The following HMBOX1 variants were observed in gnomAD, a reference collection of about 807,000 sequenced individuals.
HMBOX1 encodes homeobox containing 1.
In HMBOX1, 14 loss-of-function variants were observed where a neutral mutation model predicts 54.5. The observed-to-expected ratio is 0.26, with a 90% CI of 0.17 to 0.40. The LOEUF is 0.40. Among genes scored for constraint, HMBOX1 ranks in the 10% least tolerant of loss-of-function variants. HMBOX1 has a pLI of 1.00. For missense variants in HMBOX1, 332 were observed against 514.4 expected (o/e 0.65, Z 3.43); for synonymous variants, 160 against 181.0 (o/e 0.88, Z 0.93).
In HMBOX1 at chr8:28,958,167, A is replaced by G. The variant is rs571205057; in HGVS notation, c.-57-5644A>G. Among the ~76,000 whole-genome samples, 14 of 152,214 alleles carry G rather than the reference A, an allele frequency of 9.2e-5. No homozygotes were observed. In the South Asian group the frequency reaches 1.0e-3, roughly 11 times the overall value. On this transcript the variant is annotated intron_variant, in intron 1 of 9. Coordinates refer to ENST00000287701, the MANE Select transcript of HMBOX1 (RefSeq NM_001135726.3). ...TTTTGAAAGATACCGAGGTTTTGCT[A>G]TATTGCCCAGGATAGTCTTGAACTC...
intron 1 of HMBOX1, among the ~76,000 whole-genome samples, chr8:28,913,677 G>GCA (rs1372865477): frequency 6.6e-6 from 1 of 152,090 alleles, no homozygotes; most frequent in East Asian, 1.9e-4. Flanking sequence ...ATAGCACCCA[G>GCA]CACAGTTCTT....
At position 29,029,961 on chromosome 8, in the gene HMBOX1, TC is replaced by T. The variant is rs1217447246; in HGVS notation, c.851+11050del. On this transcript the variant is annotated intron_variant, in intron 6 of 9. Transcript: ENST00000287701. The stretch of plus-strand genomic sequence containing the variant: ...TTATTATCTTTTTTTTTGCTTTTGT[TC>T]CTAAACTCCTTTCTGTATCTTCCTC... Among the ~76,000 whole-genome samples the T allele has an allele frequency of 2.0e-5, 3 of 152,092 alleles. No individual in the cohort carries two copies. In the East Asian group the frequency reaches 5.8e-4, roughly 29 times the overall value.
intron 4 of HMBOX1, among the ~76,000 whole-genome samples, chr8:28,992,600 G>T (rs1258781812): frequency 6.6e-6 from 1 of 152,088 alleles, no homozygotes; most frequent in Admixed American, 6.6e-5. Context: ...GCTGGGCGCG[G>T]TGGCTCATGC....
chr8:28,975,038 A>T (rs896865804), intron 3 of HMBOX1, among the ~76,000 whole-genome samples: 8 of 152,188 alleles, frequency 5.3e-5, no homozygotes, highest in African/African-American at 1.4e-4. Context: ...TGATTTGGTA[A>T]GCTTAAATCT....
Position 28,933,812 on chromosome 8 carries a change from T to C in HMBOX1, c.-57-29999T>C, listed in dbSNP as rs551523574. Among the ~76,000 whole-genome samples the C allele has an allele frequency of 2.0e-5, 3 of 152,328 alleles. No homozygotes were observed. In the East Asian group the frequency reaches 5.8e-4, roughly 29 times the overall value. ...GACTTTAATATGTTTTTTAAAGAAA[T>C]TGGATTTATAGCTAAAAACCTTTCG... On this transcript the variant is annotated intron_variant, in intron 1 of 9. Transcript: ENST00000287701.
intron 3 of HMBOX1, among the ~76,000 whole-genome samples, chr8:28,978,204 CAG>C (rs911001540): frequency 4.0e-4 from 61 of 152,288 alleles, no homozygotes; most frequent in African/African-American, 1.4e-3. Context: ...GGTCTTACAA[CAG>C]AGTCCTTTCA....
chr8:28,936,884 T>A (rs1021601518), intron 1 of HMBOX1, among the ~76,000 whole-genome samples: 3 of 149,614 alleles, frequency 2.0e-5, no homozygotes, highest in Non-Finnish European at 3.0e-5. Context: ...AAAAAAAAAA[T>A]GTTCATTCTA....
rs544941450 is a variant in HMBOX1 at position 29,018,854 on chromosome 8, C to T, written c.792C>T (p.Phe264=). Reference sequence around the variant, plus strand: ...CAGTCTCTGCCACATCTGGTACTTTCCGACTGCGACGAGGGAGTCGATTTA... The same window carrying T: ...CAGTCTCTGCCACATCTGGTACTTTTCGACTGCGACGAGGGAGTCGATTTA... ...PPPVSATSGT[F]RLRRGSRFTW... Residue 264 remains phenylalanine, a synonymous_variant, in exon 6 of 10, where the codon TTC becomes TTT. Coordinates refer to ENST00000287701, the MANE Select transcript of HMBOX1 (RefSeq NM_001135726.3). 6 of 1,614,174 alleles carry T rather than the reference C, an allele frequency of 3.7e-6. No individual in the cohort carries two copies. The highest frequency in any genetic ancestry group is 5.1e-6 in the Non-Finnish European group (6 of 1,180,012).
At chr8:29,049,188 T>C in intron 9 of HMBOX1, 140 bp downstream of exon 9, 1 of 1,500,710 alleles carries the variant, frequency 6.7e-7, no homozygotes, top group Non-Finnish European at 9.0e-7. Flanking sequence ...TGTGTCTAGT[T>C]AGATTTCATG....
At chr8:29,031,970 G>A (rs534436462) in intron 6 of HMBOX1, among the ~76,000 whole-genome samples, 2 of 152,330 alleles carry the variant, frequency 1.3e-5, no homozygotes, top group African/African-American at 2.4e-5. Flanking sequence ...ATGGCCAGTA[G>A]TGGGAGCACC....
chr8:29,002,033 C>T (rs1334190483), intron 4 of HMBOX1, among the ~76,000 whole-genome samples: 1 of 152,162 alleles, frequency 6.6e-6, no homozygotes, highest in African/African-American at 2.4e-5. Flanking sequence ...CATCTTGTAA[C>T]ATAAGCCTTT....
chr8:28,918,434 ACCTTGTGATCCGCCTGCCTTGG>A (rs570280602), intron 1 of HMBOX1, among the ~76,000 whole-genome samples: 102 of 151,226 alleles, frequency 6.7e-4, no homozygotes, highest in African/African-American at 2.3e-3. Context: ...CAATCTCCTG[ACCTTGTGATCCGCCTGCCTTGG>A]CCTCCCAAAG....
At chr8:29,020,481 G>A (rs771104456) in intron 6 of HMBOX1, among the ~76,000 whole-genome samples, 3 of 151,996 alleles carry the variant, frequency 2.0e-5, no homozygotes, top group Admixed American at 6.6e-5. Context: ...AGAATCACAC[G>A]GAATTTTAAT....
At chr8:28,904,682 CT>C (rs933350008) in intron 1 of HMBOX1, among the ~76,000 whole-genome samples, 107 of 141,510 alleles carry the variant, frequency 7.6e-4, no homozygotes, top group Non-Finnish European at 8.3e-4. Context: ...TCTTCACACT[CT>C]TTTTTTTTTT....
At chr8:28,907,466 T>G (rs1160048391) in intron 1 of HMBOX1, among the ~76,000 whole-genome samples, 1 of 152,258 alleles carries the variant, frequency 6.6e-6, no homozygotes, top group Non-Finnish European at 1.5e-5. Flanking sequence ...AATTACTTCC[T>G]TTTTATAGAT....
intron 1 of HMBOX1, among the ~76,000 whole-genome samples, chr8:28,935,330 G>C (rs1275444353): frequency 6.6e-6 from 1 of 152,082 alleles, no homozygotes; most frequent in Non-Finnish European, 1.5e-5. Flanking sequence ...AAAAGTAGAG[G>C]AATTACACAA....
At chr8:29,033,810 TG>T (rs1215259092) in intron 6 of HMBOX1, among the ~76,000 whole-genome samples, 1 of 152,174 alleles carries the variant, frequency 6.6e-6, no homozygotes, top group Non-Finnish European at 1.5e-5. Flanking sequence ...TAAATACTGG[TG>T]TTGTATATAA....
chr8:29,041,940 T>A (rs535463143), intron 6 of HMBOX1, among the ~76,000 whole-genome samples: 2 of 152,266 alleles, frequency 1.3e-5, no homozygotes, highest in East Asian at 3.9e-4. Context: ...CATCACAGGC[T>A]TTGCAGTCAC....
chr8:29,016,408 A>G lies in HMBOX1; in HGVS notation c.698-2352A>G, dbSNP rs553234439. Among the ~76,000 whole-genome samples, 5 of 152,350 alleles carry G rather than the reference A, an allele frequency of 3.3e-5. No homozygotes were observed. The South Asian group carries it at 1.0e-3, about 32-fold the overall frequency. On this transcript the variant is annotated intron_variant, in intron 5 of 9. Transcript: ENST00000287701. ...AAATTTTTTGCTGCCAAATTTATAC[A>G]TTTGAATAATTAATAATAGTGTATT... is the stretch of plus-strand genomic sequence containing the variant.
Sources: allele counts gnomAD v4.1 joint callset (sites outside exome capture counted in the v4.1 genomes callset), GRCh38; gene constraint gnomAD v4.1.1; transcripts MANE v1.5; gene names NCBI Gene and HGNC (gene_info 2026-07-23, HGNC 2026-07-21).